The following PRPF6 variants were observed in gnomAD, a reference collection of about 807,000 sequenced individuals.
PRPF6 encodes pre-mRNA-processing factor 6.
A neutral mutation model predicts 118.3 loss-of-function variants in PRPF6; 42 were observed. The ratio of observed to expected loss-of-function variants is 0.35; its 90% CI spans 0.28 to 0.46. The LOEUF (loss-of-function observed/expected upper bound fraction) is 0.46, where lower values mean the gene tolerates loss of function less well. Among genes scored for constraint, PRPF6 ranks in the 20% least tolerant of loss-of-function variants. The pLI, the probability that PRPF6 is intolerant of heterozygous loss-of-function variation, is 1.00. For missense variants in PRPF6, 662 were observed against 1,255.7 expected, an observed-to-expected ratio of 0.53 and a Z score of 7.15; for synonymous variants, 481 against 485.1, an observed-to-expected ratio of 0.99 and a Z score of 0.11.
intron 7 of PRPF6, 121 bp downstream of exon 7, chr20:63,999,260 G>A: frequency 1.2e-6 from 1 of 854,568 alleles, no homozygotes; most frequent in Non-Finnish European, 1.9e-6. Flanking sequence ...AATGTAAAGT[G>A]GAGTAGTTTG....
chr20:63,987,363 T>C (rs1032109462), intron 3 of PRPF6, among the ~76,000 whole-genome samples: 1 of 151,490 alleles, frequency 6.6e-6, no homozygotes, highest in African/African-American at 2.4e-5. Context: ...AAAGATTAGT[T>C]GGGTGTGGTG....
chr20:63,995,401 G>C lies in PRPF6; in HGVS notation c.690G>C (p.Leu230=). The change falls in exon 6 of 21, where the codon CTG becomes CTC. Residue 230 remains leucine, a synonymous_variant. Transcript: ENST00000266079. ...ACCCAGGTGGAATGACGCCAGGACTGATGACACCTGGCACAGGTGAGCTGG... is the reference window on the plus strand; with the variant it reads ...ACCCAGGTGGAATGACGCCAGGACTCATGACACCTGGCACAGGTGAGCTGG... ...TPYPGGMTPG[L]MTPGTGELDM... is the part of the protein sequence containing the mutation. 6.2e-7 allele frequency: 1 copy of C among 1,614,130 alleles called. No homozygotes were observed. Among genetic ancestry groups the C allele is most frequent in the Non-Finnish European group, 8.5e-7 (1 of 1,180,008 alleles).
At chr20:64,023,000 C>T (rs1388917983) in intron 13 of PRPF6, 122 bp downstream of exon 13, 1 of 1,480,934 alleles carries the variant, frequency 6.8e-7, no homozygotes, top group East Asian at 2.4e-5. Context: ...AGGTCTGGCC[C>T]TCTGGTTGTG....
At chr20:64,020,966 T>C (rs1328725471) in intron 12 of PRPF6, among the ~76,000 whole-genome samples, 5 of 152,214 alleles carry the variant, frequency 3.3e-5, no homozygotes, top group African/African-American at 7.2e-5. Context: ...TTTGTATTTT[T>C]AGTAGAGACA....
chr20:64,010,264 A>T lies in PRPF6; in HGVS notation c.1251A>T (p.Glu417Asp). The T allele has an allele frequency of 6.2e-7, 1 of 1,614,156 alleles. No individual in the cohort carries two copies. The highest frequency in any genetic ancestry group is 8.5e-7 in the Non-Finnish European group (1 of 1,180,036). ...CAGCCGTTGAGCTGGAAGAACCTGA[A>T]GATGCTAGAATCATGCTGAGCCGAG... ...WKAAVELEEPEDARIMLSRAV... is the reference protein window; with the variant it reads ...WKAAVELEEPDDARIMLSRAV... The change falls in exon 10 of 21, where the codon GAA becomes GAT. Residue 417 changes from glutamate (E) to aspartate (D), a missense_variant. Glu to Asp is a conservative substitution (Grantham distance 45). Coordinates refer to ENST00000266079, the MANE Select transcript of PRPF6 (RefSeq NM_012469.4).
intron 20 of PRPF6, 140 bp from the exon 21 acceptor site, chr20:64,032,701 T>C: frequency 9.2e-7 from 1 of 1,089,920 alleles, no homozygotes; most frequent in Admixed American, 2.0e-5. Flanking sequence ...TGCCTTCCGG[T>C]GCAGGGCCTG....
At chr20:64,006,350 T>G (rs982473312) in intron 9 of PRPF6, among the ~76,000 whole-genome samples, 3 of 145,438 alleles carry the variant, frequency 2.1e-5, no homozygotes, top group Non-Finnish European at 4.5e-5. Context: ...TGAGTCTTGC[T>G]CTGTTGCCCA....
chr20:63,986,296 G>A (rs1178816563), intron 3 of PRPF6, among the ~76,000 whole-genome samples: 2 of 147,132 alleles, frequency 1.4e-5, no homozygotes, highest in African/African-American at 5.1e-5. Context: ...AGTGAGCCGA[G>A]GTCACAACAC....
At chr20:63,981,378 G>C in intron 1 of PRPF6, 62 bp downstream of exon 1, 1 of 1,479,298 alleles carries the variant, frequency 6.8e-7, no homozygotes, top group South Asian at 1.2e-5. Flanking sequence ...GTGCTTTGGG[G>C]CGTGTTTGGG....
chr20:64,022,725 G>C, intron 12 of PRPF6, 32 bp from the exon 13 acceptor site: 2 of 1,613,754 alleles, frequency 1.2e-6, no homozygotes, highest in Non-Finnish European at 1.7e-6. Context: ...CCAGTGCTGG[G>C]CTGCCCATTC....
At chr20:63,985,131 A>T (rs1360899361) in intron 3 of PRPF6, 106 bp downstream of exon 3, 2 of 860,266 alleles carry the variant, frequency 2.3e-6, no homozygotes, top group East Asian at 5.3e-5. Context: ...TGAGAGGCTG[A>T]GGTAGGACGA....
intron 4 of PRPF6, among the ~76,000 whole-genome samples, chr20:63,994,666 G>A (rs1389162499): frequency 4.6e-5 from 7 of 152,196 alleles, no homozygotes; most frequent in Non-Finnish European, 1.5e-5. Context: ...AGCAACTTGA[G>A]AAGCTGAAGT....
At position 64,029,558 on chromosome 20, in the gene PRPF6, C is replaced by A; in HGVS notation, c.2546+67C>A. 7.6e-7 allele frequency: 1 copy of A among 1,321,960 alleles called. No individual in the cohort carries two copies. Among genetic ancestry groups the A allele is most frequent in the South Asian group, 1.2e-5 (1 of 84,856 alleles). The allele number at this position is 1,321,960 out of a possible 1,614,324, so 81.9% of individuals were successfully genotyped here. A position where few individuals can be genotyped will look rare whatever the true frequency, so the allele number is the denominator to read the frequency against. ...AATGGGCTCTTTTTCCAGAGTCTGTCTGCCTCTTCCTGGTCATTGTAAAGA... is the reference window on the plus strand; with the variant it reads ...AATGGGCTCTTTTTCCAGAGTCTGTATGCCTCTTCCTGGTCATTGTAAAGA... On this transcript the variant is annotated intron_variant, in intron 19 of 20. Coordinates refer to ENST00000266079, the MANE Select transcript of PRPF6 (RefSeq NM_012469.4). The surrounding 1 kb of genome is among the most constrained non-coding windows in gnomAD (Gnocchi z 4.8).
At chr20:64,023,333 A>C (rs1337460738) in intron 13 of PRPF6, among the ~76,000 whole-genome samples, 1 of 152,040 alleles carries the variant, frequency 6.6e-6, no homozygotes, top group African/African-American at 2.4e-5. Flanking sequence ...ATTTAACTGC[A>C]CTCTTTAATT....
At chr20:63,986,490 T>C (rs2059093961) in intron 3 of PRPF6, among the ~76,000 whole-genome samples, 1 of 134,852 alleles carries the variant, frequency 7.4e-6, no homozygotes. Flanking sequence ...CCATATGATC[T>C]TTTTTTTTTT....
chr20:63,983,462 C>G (rs1093459), intron 2 of PRPF6, among the ~76,000 whole-genome samples: 3,436 of 132,380 alleles, frequency 0.026, 124 homozygotes, highest in Middle Eastern at 0.065. Flanking sequence ...TTTTCTATTG[C>G]CCAGTCTTTT....
At chr20:63,997,224 G>T (rs920877404) in intron 6 of PRPF6, among the ~76,000 whole-genome samples, 2 of 150,930 alleles carry the variant, frequency 1.3e-5, no homozygotes, top group Non-Finnish European at 2.9e-5. Context: ...GAATCATACA[G>T]TATTTACCTT....
rs1246733161 is a variant in PRPF6, at chr20:64,011,589, G to C, written c.1524+86G>C. On this transcript the variant is annotated intron_variant, in intron 11 of 20. Transcript: ENST00000266079. This position sits in a 1 kb window ranked among gnomAD's most constrained non-coding sequence, Gnocchi z 6.7. The stretch of plus-strand genomic sequence containing the variant: ...TCCCACGCAGGACTGGGGGTTGCTG[G>C]ATGGTACTGGGGAGTCCTGTGCCAA... The C allele has an allele frequency of 6.9e-7, 1 of 1,447,710 alleles. No individual in the cohort carries two copies. Among genetic ancestry groups the C allele is most frequent in the Non-Finnish European group, 9.4e-7 (1 of 1,062,762 alleles). The allele number at this position is 1,447,710 out of a possible 1,614,324, so 89.7% of individuals were successfully genotyped here. A position where few individuals can be genotyped will look rare whatever the true frequency, so the allele number is the denominator to read the frequency against.
chr20:64,009,657 G>C (rs1375428760), intron 9 of PRPF6, among the ~76,000 whole-genome samples: 2 of 152,210 alleles, frequency 1.3e-5, no homozygotes, highest in Non-Finnish European at 2.9e-5. Flanking sequence ...AGGAAGCGGA[G>C]GTAGCAGTCA....
Sources: gnomAD v4.1 joint callset for allele counts (sites outside exome capture counted in the v4.1 genomes callset) on GRCh38, gnomAD v4.1.1 for gene constraint, Gnocchi (gnomAD v3.1) non-coding constraint, MANE v1.5 for transcripts, NCBI Gene and HGNC (gene_info 2026-07-23, HGNC 2026-07-21) for gene names.